Variants in WWC2 observed in about 807,000 individuals in gnomAD.
WWC2 encodes the protein WW and C2 domain containing 2.
WWC2 carries 101 observed loss-of-function variants against 138.5 expected under a neutral mutation model. The observed-to-expected ratio is 0.73, with a 90% CI of 0.62 to 0.86. The LOEUF (loss-of-function observed/expected upper bound fraction) is 0.86. Among genes scored for constraint, WWC2 ranks in the 40% least tolerant of loss-of-function variants. WWC2 has a pLI of 0.00. For missense variants in WWC2, 1,420 were observed against 1,419.4 expected (o/e 1.00, Z -0.01); for synonymous variants, 558 against 538.4 (o/e 1.04, Z -0.50).
At chr4:183,171,387 GAGTTT>G (rs1413486369) in intron 1 of WWC2, among the ~76,000 whole-genome samples, 1 of 152,162 alleles carries the variant, frequency 6.6e-6, no homozygotes, top group Non-Finnish European at 1.5e-5. Context: ...AGATTCACTA[GAGTTT>G]AGTTATACTA....
Position 183,261,474 on chromosome 4 carries a change from T to G in WWC2, c.1851T>G (p.Leu617=), listed in dbSNP as rs774431435. 1.2e-6 allele frequency: 2 copies of G among 1,612,922 alleles called. No homozygotes were observed. The highest frequency in any genetic ancestry group is 2.7e-5 in the African/African-American group (2 of 75,044). The change falls in exon 11 of 23, where the codon CTT becomes CTG. Residue 617 remains leucine (L), a synonymous_variant. Coordinates refer to ENST00000403733, the MANE Select transcript of WWC2 (RefSeq NM_024949.6). The stretch of plus-strand genomic sequence containing the variant: ...ATTCAGGAGGAGCCTCCCAGTCTCT[T>G]TCAGAGGATAAAGACCTTAATGAAT... ...DSDSGGASQS[L]SEDKDLNECA...
chr4:183,283,720 A>G (rs1738155681), intron 18 of WWC2, among the ~76,000 whole-genome samples: 1 of 152,204 alleles, frequency 6.6e-6, no homozygotes, highest in African/African-American at 2.4e-5. Flanking sequence ...CAGCTTCACA[A>G]CAGTTATGTT....
At chr4:183,183,556 C>T (rs946244779) in intron 1 of WWC2, among the ~76,000 whole-genome samples, 3 of 152,090 alleles carry the variant, frequency 2.0e-5, no homozygotes, top group African/African-American at 7.2e-5. Context: ...CCAGCGAGGG[C>T]GGATCACTTG....
At chr4:183,156,494 G>T (rs1457086306) in intron 1 of WWC2, among the ~76,000 whole-genome samples, 1 of 152,090 alleles carries the variant, frequency 6.6e-6, no homozygotes, top group East Asian at 1.9e-4. Context: ...ACCATGCCTG[G>T]CTAGTTTTTG....
At chr4:183,279,488 C>A (rs1221101910) in intron 16 of WWC2, among the ~76,000 whole-genome samples, 2 of 152,170 alleles carry the variant, frequency 1.3e-5, no homozygotes, top group Non-Finnish European at 2.9e-5. Flanking sequence ...ATGCTGGCCT[C>A]ATCAAATGAG....
At chr4:183,128,115 C>T (rs1289425418) in intron 1 of WWC2, among the ~76,000 whole-genome samples, 1 of 150,320 alleles carries the variant, frequency 6.7e-6, no homozygotes, top group African/African-American at 2.5e-5. Context: ...CTGAGGCAGG[C>T]AGATCACAAG....
At chr4:183,160,610 AAAAT>A (rs768590242) in intron 1 of WWC2, among the ~76,000 whole-genome samples, 7 of 152,226 alleles carry the variant, frequency 4.6e-5, no homozygotes, top group African/African-American at 9.6e-5. Context: ...CCGTTTAAAA[AAAAT>A]CCCAATCAGT....
At chr4:183,234,037 G>A (rs1401732231) in intron 4 of WWC2, 1 of 152,192 alleles carries the variant, frequency 6.6e-6, no homozygotes, top group Non-Finnish European at 1.5e-5. Flanking sequence ...TTTGAAACCT[G>A]TCTGTCTTGT....
chr4:183,207,310 T>C (rs1735473581), intron 2 of WWC2, among the ~76,000 whole-genome samples: 1 of 152,162 alleles, frequency 6.6e-6, no homozygotes, highest in African/African-American at 2.4e-5. Flanking sequence ...TTTGTTTGTT[T>C]ATTTTTAAAT....
At chr4:183,157,718 G>A (rs1314814338) in intron 1 of WWC2, among the ~76,000 whole-genome samples, 2 of 151,910 alleles carry the variant, frequency 1.3e-5, no homozygotes, top group Non-Finnish European at 2.9e-5. Context: ...AGCCAGGATG[G>A]TCTGGATCTC....
chr4:183,274,347 T>C (rs1737787244), intron 16 of WWC2, among the ~76,000 whole-genome samples: 1 of 152,246 alleles, frequency 6.6e-6, no homozygotes, highest in South Asian at 2.1e-4. Flanking sequence ...AGTCTTCTGA[T>C]CCATGAACAT....
At chr4:183,188,236 G>A (rs1026762501) in intron 1 of WWC2, among the ~76,000 whole-genome samples, 1 of 151,896 alleles carries the variant, frequency 6.6e-6, no homozygotes, top group South Asian at 2.1e-4. Context: ...CCATTGTGAC[G>A]TGTTCTTTTG....
At chr4:183,238,070 T>C (rs1303047762) in intron 4 of WWC2, among the ~76,000 whole-genome samples, 5 of 152,248 alleles carry the variant, frequency 3.3e-5, no homozygotes, top group Admixed American at 6.5e-5. Context: ...TATCTATCTC[T>C]AGTCCAGACA....
intron 1 of WWC2, among the ~76,000 whole-genome samples, chr4:183,106,307 C>T (rs150306743): frequency 6.4e-4 from 98 of 152,222 alleles, no homozygotes; most frequent in African/African-American, 2.2e-3. Flanking sequence ...TTTAAAGGCA[C>T]AGTGTGTATG....
chr4:183,261,585 A>G, intron 11 of WWC2, 53 bp downstream of exon 11: 14 of 1,521,998 alleles, frequency 9.2e-6, no homozygotes, highest in South Asian at 2.6e-5. Context: ...TTTAAGGAGA[A>G]TGATTGGAGC....
rs112366833 is a variant in WWC2 at position 183,125,521 on chromosome 4, G to A, written c.131+25899G>A. On this transcript the variant is annotated intron_variant, in intron 1 of 22. Coordinates refer to ENST00000403733, the MANE Select transcript of WWC2 (RefSeq NM_024949.6). ...TTTAAGCCAGTTGTGTACGTGTTCC[G>A]TTGTGAGAGAAAATGAAAAAGATTT... Among the ~76,000 whole-genome samples the A allele has an allele frequency of 8.1e-3, 1,235 of 152,262 alleles. 13 individuals are homozygous for A. Among genetic ancestry groups the A allele is most frequent in the Non-Finnish European group, 0.012 (810 of 68,022 alleles).
chr4:183,223,383 G>A (rs913472453), intron 4 of WWC2, among the ~76,000 whole-genome samples: 1 of 152,194 alleles, frequency 6.6e-6, no homozygotes, highest in African/African-American at 2.4e-5. Flanking sequence ...AGAGAGAATA[G>A]TATAATTTTC....
At position 183,265,945 on chromosome 4, in the gene WWC2, CA is replaced by C; in HGVS notation, c.2205del (p.Val736TyrfsTer49). 1 of 1,611,030 alleles carries C rather than the reference CA, an allele frequency of 6.2e-7. No individual in the cohort carries two copies. The highest frequency in any genetic ancestry group is 8.5e-7 in the Non-Finnish European group (1 of 1,178,472). ...NLHAFLIPHT[S>X]KVYFRVAVLP... Reference sequence around the variant, plus strand: ...CATGCCTTCTTGATACCTCATACTTCAAAAGTGTAAGTAAAATCAGCGAAGA... The same window carrying C: ...CATGCCTTCTTGATACCTCATACTTCAAAGTGTAAGTAAAATCAGCGAAGA... On this transcript the variant is annotated frameshift_variant, in exon 14 of 23. Transcript: ENST00000403733. LOFTEE classifies it high-confidence loss of function.
intron 20 of WWC2, 86 bp from the exon 21 acceptor site, chr4:183,289,307 T>C (rs1738354508): frequency 6.6e-7 from 1 of 1,515,196 alleles, no homozygotes; most frequent in Admixed American, 2.1e-5. Flanking sequence ...GGAAGCACCA[T>C]CCATCATGCG....
Sources: allele counts gnomAD v4.1 joint callset (sites outside exome capture counted in the v4.1 genomes callset), GRCh38; gene constraint gnomAD v4.1.1; transcripts MANE v1.5; gene names NCBI Gene and HGNC (gene_info 2026-07-23, HGNC 2026-07-21).